The following SLC39A11 variants were observed in gnomAD, a reference collection of about 807,000 sequenced individuals.
The protein encoded by SLC39A11 is zinc transporter ZIP11.
A neutral mutation model predicts 36.1 loss-of-function variants in SLC39A11; 33 were observed. The ratio of observed to expected loss-of-function variants is 0.91; its 90% CI spans 0.69 to 1.22. The LOEUF (loss-of-function observed/expected upper bound fraction) is 1.22, where lower values mean the gene tolerates loss of function less well. SLC39A11 is among the 50% of genes most tolerant of loss of function. The probability of loss-of-function intolerance (pLI) is 0.00; values close to 1 mark genes in which losing one functional copy is unlikely to be tolerated. For synonymous variants in SLC39A11, 166 were observed against 170.3 expected (o/e 0.97, Z 0.20); for missense variants, 432 against 430.3 (o/e 1.00, Z -0.03).
intron 5 of SLC39A11, among the ~76,000 whole-genome samples, chr17:72,863,736 A>T (rs1413839022): frequency 1.3e-5 from 2 of 152,240 alleles, no homozygotes; most frequent in Non-Finnish European, 2.9e-5. Flanking sequence ...GGTGGGCTAC[A>T]GATTGCAGCG....
At chr17:73,022,440 C>T (rs2148599550) in intron 4 of SLC39A11, among the ~76,000 whole-genome samples, 1 of 152,060 alleles carries the variant, frequency 6.6e-6, no homozygotes, top group Non-Finnish European at 1.5e-5. Context: ...ACTAAAAATA[C>T]AAAAACTAGC....
intron 5 of SLC39A11, among the ~76,000 whole-genome samples, chr17:72,891,187 C>T (rs907728387): frequency 5.9e-5 from 9 of 152,012 alleles, no homozygotes; most frequent in Admixed American, 1.3e-4. Context: ...TTTGGGAGGC[C>T]AAGGTGAGTG....
chr17:72,712,911 T>A (rs1425335064), intron 7 of SLC39A11: 2 of 151,896 alleles, frequency 1.3e-5, no homozygotes, highest in Admixed American at 6.6e-5. Flanking sequence ...CATGAGGGCA[T>A]GGGGAGAGGT....
chr17:72,752,766 T>A (rs1386668806), intron 6 of SLC39A11, among the ~76,000 whole-genome samples: 1 of 152,190 alleles, frequency 6.6e-6, no homozygotes, highest in South Asian at 2.1e-4. Flanking sequence ...CTGATGCTAA[T>A]TCCATTCTCA....
At chr17:72,781,709 G>A (rs1317584976) in intron 6 of SLC39A11, among the ~76,000 whole-genome samples, 1 of 152,148 alleles carries the variant, frequency 6.6e-6, no homozygotes, top group Non-Finnish European at 1.5e-5. Flanking sequence ...GTGAGCCACT[G>A]TACCCGGTCC....
intron 7 of SLC39A11, among the ~76,000 whole-genome samples, chr17:72,689,604 C>T (rs2071925170): frequency 6.6e-6 from 1 of 152,188 alleles, no homozygotes; most frequent in Non-Finnish European, 1.5e-5. Flanking sequence ...GAATATTATT[C>T]AGCCGAGAAA....
intron 6 of SLC39A11, among the ~76,000 whole-genome samples, chr17:72,744,629 G>A (rs1050725246): frequency 6.6e-6 from 1 of 152,066 alleles, no homozygotes; most frequent in Non-Finnish European, 1.5e-5. Flanking sequence ...CCGCAGATTT[G>A]GTGTCTGGTG....
chr17:72,863,830 T>C (rs181516043), intron 5 of SLC39A11, among the ~76,000 whole-genome samples: 1 of 152,352 alleles, frequency 6.6e-6, no homozygotes, highest in Non-Finnish European at 1.5e-5. Flanking sequence ...AATGTCTTAA[T>C]ACGAAGCTCA....
chr17:72,924,353 G>A (rs1459940911), intron 5 of SLC39A11, among the ~76,000 whole-genome samples: 2 of 151,948 alleles, frequency 1.3e-5, no homozygotes, highest in Admixed American at 6.6e-5. Flanking sequence ...ACAGAAACCT[G>A]ATAAGCTCAA....
chr17:72,801,393 G>A (rs1305626884), intron 6 of SLC39A11, among the ~76,000 whole-genome samples: 2 of 152,096 alleles, frequency 1.3e-5, no homozygotes, highest in Non-Finnish European at 2.9e-5. Context: ...GCTAACTTTT[G>A]TATTTTTTGT....
chr17:72,909,064 A>C (rs1198805299), intron 5 of SLC39A11, among the ~76,000 whole-genome samples: 1 of 152,222 alleles, frequency 6.6e-6, no homozygotes, highest in African/African-American at 2.4e-5. Flanking sequence ...ACCGTTTCCT[A>C]AGAGCAGGTT....
At chr17:72,681,299 A>G (rs1567940112) in intron 7 of SLC39A11, among the ~76,000 whole-genome samples, 1 of 152,204 alleles carries the variant, frequency 6.6e-6, no homozygotes, top group Non-Finnish European at 1.5e-5. Context: ...GCTGAGTCAC[A>G]GGCTAAGGAT....
chr17:72,765,981 C>T (rs184693252), intron 6 of SLC39A11, among the ~76,000 whole-genome samples: 1 of 152,250 alleles, frequency 6.6e-6, no homozygotes, highest in Admixed American at 6.5e-5. Context: ...GGGCAGGAAT[C>T]GCTGAGCTGC....
chr17:72,691,540 G>C (rs2144433602), intron 7 of SLC39A11, among the ~76,000 whole-genome samples: 1 of 152,300 alleles, frequency 6.6e-6, no homozygotes, highest in East Asian at 1.9e-4. Context: ...CTCATTCGCT[G>C]TTTCCACTAA....
intron 4 of SLC39A11, among the ~76,000 whole-genome samples, chr17:73,004,927 G>A (rs530265373): frequency 2.0e-5 from 3 of 152,302 alleles, no homozygotes; most frequent in East Asian, 1.9e-4. Context: ...TGGACCCCAC[G>A]AAGATCACAG....
intron 4 of SLC39A11, among the ~76,000 whole-genome samples, chr17:73,025,724 T>C (rs1045078658): frequency 3.3e-5 from 5 of 152,076 alleles, no homozygotes; most frequent in African/African-American, 1.2e-4. Flanking sequence ...CCTACTGCTA[T>C]AAAGTCGATT....
At chr17:73,026,734 A>C (rs1313925807) in intron 4 of SLC39A11, among the ~76,000 whole-genome samples, 1 of 152,088 alleles carries the variant, frequency 6.6e-6, no homozygotes, top group Non-Finnish European at 1.5e-5. Flanking sequence ...ATGACTAAAA[A>C]TAAAGAATTG....
intron 7 of SLC39A11, among the ~76,000 whole-genome samples, chr17:72,703,769 G>A (rs888055850): frequency 3.9e-5 from 6 of 152,194 alleles, no homozygotes; most frequent in African/African-American, 1.4e-4. Flanking sequence ...TGTCTCTTTG[G>A]GAGAGGCTTA....
At chr17:72,988,173 C>T (rs1171548483) in intron 4 of SLC39A11, among the ~76,000 whole-genome samples, 10 of 152,238 alleles carry the variant, frequency 6.6e-5, no homozygotes, top group Non-Finnish European at 4.4e-5. Flanking sequence ...TACAATTAGG[C>T]TGGGCACAGT....
Sources: gnomAD v4.1 joint callset for allele counts (sites outside exome capture counted in the v4.1 genomes callset) on GRCh38, gnomAD v4.1.1 for gene constraint, MANE v1.5 for transcripts, NCBI Gene and HGNC (gene_info 2026-07-23, HGNC 2026-07-21) for gene names.